CADM2: variants seen among roughly 807,000 people sequenced by gnomAD.
The protein encoded by CADM2 is cell adhesion molecule 2.
CADM2 carries 12 observed loss-of-function variants against 49.8 expected under a neutral mutation model. That is an observed-to-expected ratio of 0.24 (90% CI 0.15 to 0.39). The LOEUF (loss-of-function observed/expected upper bound fraction) is 0.39, where lower values mean the gene tolerates loss of function less well. Ranked by LOEUF, CADM2 falls within the 10% of genes least tolerant of loss-of-function variation. The pLI is 1.00. For missense variants in CADM2, 378 were observed against 492.3 expected, an observed-to-expected ratio of 0.77 and a Z score of 2.20; for synonymous variants, 214 against 175.4, an observed-to-expected ratio of 1.22 and a Z score of -1.74.
intron 1 of CADM2, among the ~76,000 whole-genome samples, chr3:85,621,580 T>C (rs1407958139): frequency 6.6e-6 from 1 of 152,200 alleles, no homozygotes; most frequent in East Asian, 1.9e-4. Context: ...ATGCGATTAC[T>C]CTGCTCTGTT....
At chr3:85,135,667 AAC>A (rs915843842) in intron 1 of CADM2, among the ~76,000 whole-genome samples, 1 of 152,054 alleles carries the variant, frequency 6.6e-6, no homozygotes, top group Non-Finnish European at 1.5e-5. Flanking sequence ...GCCTCCTCAA[AAC>A]ACAGAATGTG....
At chr3:85,758,251 A>T (rs1218689121) in intron 2 of CADM2, among the ~76,000 whole-genome samples, 2 of 152,152 alleles carry the variant, frequency 1.3e-5, no homozygotes, top group African/African-American at 4.8e-5. Flanking sequence ...AGCAATGAAC[A>T]TTAATCAGCA....
intron 1 of CADM2, among the ~76,000 whole-genome samples, chr3:85,299,837 G>C (rs945175793): frequency 6.6e-6 from 1 of 152,040 alleles, no homozygotes; most frequent in Non-Finnish European, 1.5e-5. Context: ...GACCATTACT[G>C]TGTAGTCCCA....
intron 1 of CADM2, among the ~76,000 whole-genome samples, chr3:85,047,332 C>G (rs2035706969): frequency 6.6e-6 from 1 of 152,024 alleles, no homozygotes; most frequent in Non-Finnish European, 1.5e-5. Context: ...TAGTGCAAAT[C>G]CTGACGGTAG....
In CADM2 at chr3:85,641,244, G is replaced by A. The variant is rs1212352819; in HGVS notation, c.62-85278G>A. On this transcript the variant is annotated intron_variant, in intron 1 of 9. Coordinates refer to ENST00000383699, the MANE Select transcript of CADM2 (RefSeq NM_001167675.2). ...AGAAGTATATACACTAGTGATAGAA[G>A]TAAATACACTAGTAATAGAAAATAT... 3.3e-5 allele frequency among the ~76,000 whole-genome samples: 5 copies of A among 151,938 alleles called. No individual in the cohort carries two copies. The East Asian group carries it at 9.7e-4, about 29-fold the overall frequency.
chr3:85,442,493 A>C (rs533175963), intron 1 of CADM2, among the ~76,000 whole-genome samples: 6 of 150,960 alleles, frequency 4.0e-5, no homozygotes, highest in Non-Finnish European at 8.9e-5. Context: ...CCTTTGCTTC[A>C]AAGCAAAGTG....
At chr3:85,432,346 G>C (rs2036719569) in intron 1 of CADM2, among the ~76,000 whole-genome samples, 1 of 151,952 alleles carries the variant, frequency 6.6e-6, no homozygotes, top group Non-Finnish European at 1.5e-5. Flanking sequence ...CGCAGAGGGA[G>C]GGAGCGACCA....
chr3:85,756,270 T>A (rs2069117079), intron 2 of CADM2, among the ~76,000 whole-genome samples: 1 of 152,152 alleles, frequency 6.6e-6, no homozygotes. Context: ...TCGAATAATG[T>A]CATCATCATG....
chr3:85,633,339 C>T (rs941230398), intron 1 of CADM2, among the ~76,000 whole-genome samples: 2 of 151,904 alleles, frequency 1.3e-5, no homozygotes, highest in Non-Finnish European at 2.9e-5. Context: ...CCTGCTTTAG[C>T]AAGTCTAGCT....
At chr3:85,153,559 A>G (rs77777725) in intron 1 of CADM2, among the ~76,000 whole-genome samples, 1 of 152,186 alleles carries the variant, frequency 6.6e-6, no homozygotes, top group Non-Finnish European at 1.5e-5. Context: ...CAAAGCAGCC[A>G]GGAAGCTCCA....
intron 2 of CADM2, among the ~76,000 whole-genome samples, chr3:85,779,512 C>T (rs1451222134): frequency 6.6e-6 from 1 of 152,142 alleles, no homozygotes; most frequent in East Asian, 1.9e-4. Flanking sequence ...CATCCTTCTT[C>T]ACATAGCAAC....
At chr3:85,348,149 C>T (rs1198143411) in intron 1 of CADM2, among the ~76,000 whole-genome samples, 1 of 152,056 alleles carries the variant, frequency 6.6e-6, no homozygotes, top group Non-Finnish European at 1.5e-5. Flanking sequence ...CATGTTGTCA[C>T]CAAATGTGCA....
At chr3:85,691,907 T>C (rs1474206259) in intron 1 of CADM2, among the ~76,000 whole-genome samples, 3 of 151,814 alleles carry the variant, frequency 2.0e-5, no homozygotes, top group East Asian at 2.0e-4. Flanking sequence ...TTCTCACTCA[T>C]AGGTGGGAAT....
intron 1 of CADM2, among the ~76,000 whole-genome samples, chr3:85,625,572 T>C (rs1225301900): frequency 6.6e-6 from 1 of 152,084 alleles, no homozygotes; most frequent in East Asian, 1.9e-4. Context: ...GTGAGCAGTT[T>C]AAATGCACAC....
intron 1 of CADM2, among the ~76,000 whole-genome samples, chr3:85,188,460 AT>A (rs756353243): frequency 2.8e-4 from 42 of 152,222 alleles, no homozygotes; most frequent in Non-Finnish European, 5.1e-4. Context: ...TTATTTCTGT[AT>A]TTGCTCAGTA....
chr3:85,922,640 C>T (rs979379105), intron 6 of CADM2, among the ~76,000 whole-genome samples: 2 of 152,054 alleles, frequency 1.3e-5, no homozygotes, highest in Non-Finnish European at 2.9e-5. Context: ...CTACTGTGTC[C>T]TATCTTGTCA....
chr3:85,316,463 T>G (rs1192558498), intron 1 of CADM2, among the ~76,000 whole-genome samples: 4 of 152,156 alleles, frequency 2.6e-5, no homozygotes, highest in African/African-American at 9.7e-5. Context: ...CATTGTTTTA[T>G]TTTCACTGTG....
chr3:85,895,135 G>A (rs1196980830), intron 5 of CADM2, among the ~76,000 whole-genome samples: 6 of 152,168 alleles, frequency 3.9e-5, no homozygotes, highest in African/African-American at 9.6e-5. Flanking sequence ...AGACACTCAC[G>A]CCTGCTATGA....
At chr3:85,757,583 A>T (rs1431533595) in intron 2 of CADM2, among the ~76,000 whole-genome samples, 1 of 152,158 alleles carries the variant, frequency 6.6e-6, no homozygotes, top group East Asian at 1.9e-4. Context: ...AGGAGTGATA[A>T]AGGCTAAAAT....
Sources: gnomAD v4.1 joint callset for allele counts (sites outside exome capture counted in the v4.1 genomes callset) on GRCh38, gnomAD v4.1.1 for gene constraint, MANE v1.5 for transcripts, NCBI Gene and HGNC (gene_info 2026-07-23, HGNC 2026-07-21) for gene names.